TMEM108: variants seen among roughly 807,000 people sequenced by gnomAD.
The protein encoded by TMEM108 is transmembrane protein 108, also known as cancer/testis antigen 124.
Under a neutral mutation model 35.1 loss-of-function variants are expected in TMEM108, and 12 were observed. That is an observed-to-expected ratio of 0.34 (90% CI 0.22 to 0.55). The LOEUF (loss-of-function observed/expected upper bound fraction) is 0.55, where lower values mean the gene tolerates loss of function less well. TMEM108 is among the 20% of genes least tolerant of loss of function. The probability of loss-of-function intolerance (pLI) is 0.89; values close to 1 mark genes in which losing one functional copy is unlikely to be tolerated. For synonymous variants in TMEM108, 287 were observed against 308.6 expected (o/e 0.93, Z 0.73); for missense variants, 680 against 753.3 (o/e 0.90, Z 1.14).
At chr3:133,286,748 A>G (rs75839874) in intron 3 of TMEM108, among the ~76,000 whole-genome samples, 1,908 of 152,294 alleles carry the variant, frequency 0.013, 16 homozygotes, top group South Asian at 0.024. Context: ...AACAGTAGTG[A>G]AATATCTGGG....
chr3:133,102,669 AG>A (rs1203394112), intron 2 of TMEM108, among the ~76,000 whole-genome samples: 1 of 152,218 alleles, frequency 6.6e-6, no homozygotes, highest in Non-Finnish European at 1.5e-5. Flanking sequence ...TTCTTTAGCA[AG>A]TGGTATAAGC....
intron 2 of TMEM108, among the ~76,000 whole-genome samples, chr3:133,052,842 T>A (rs1207480471): frequency 1.3e-5 from 2 of 152,160 alleles, no homozygotes; most frequent in Non-Finnish European, 2.9e-5. Flanking sequence ...GCCCATATTA[T>A]TCTAACCAAG....
At chr3:133,040,076 A>C (rs552663781) in intron 1 of TMEM108, among the ~76,000 whole-genome samples, 5 of 152,234 alleles carry the variant, frequency 3.3e-5, no homozygotes, top group African/African-American at 1.2e-4. Flanking sequence ...GTTGCTGCAA[A>C]GCTCATTTAG....
intron 3 of TMEM108, among the ~76,000 whole-genome samples, 167 bp downstream of exon 3, chr3:133,229,518 A>G (rs1234389634): frequency 1.3e-5 from 2 of 152,220 alleles, no homozygotes; most frequent in Non-Finnish European, 2.9e-5. Context: ...AAGTCATTCT[A>G]AGATCTCTGT....
intron 2 of TMEM108, among the ~76,000 whole-genome samples, chr3:133,071,294 C>T (rs1433284594): frequency 1.3e-5 from 2 of 152,110 alleles, no homozygotes; most frequent in Non-Finnish European, 2.9e-5. Flanking sequence ...TTGGTTTCTT[C>T]TGAGCCCTCT....
chr3:133,102,594 C>T (rs1203655310), intron 2 of TMEM108, among the ~76,000 whole-genome samples: 1 of 152,188 alleles, frequency 6.6e-6, no homozygotes, highest in East Asian at 1.9e-4. Flanking sequence ...TGTCCTTTAC[C>T]TCTGACTCCC....
chr3:133,093,671 TA>T (rs1466966314), intron 2 of TMEM108, among the ~76,000 whole-genome samples: 1 of 152,216 alleles, frequency 6.6e-6, no homozygotes, highest in Non-Finnish European at 1.5e-5. Context: ...TATGGGGAAT[TA>T]ATATGACTTA....
At chr3:133,332,381 G>T (rs2071406868) in intron 3 of TMEM108, among the ~76,000 whole-genome samples, 1 of 152,212 alleles carries the variant, frequency 6.6e-6, no homozygotes, top group Admixed American at 6.5e-5. Context: ...CAGTGTATGA[G>T]GGAGGAAAAT....
chr3:133,156,694 G>A (rs974395469), intron 2 of TMEM108, among the ~76,000 whole-genome samples: 1 of 152,172 alleles, frequency 6.6e-6, no homozygotes, highest in Non-Finnish European at 1.5e-5. Flanking sequence ...GTACAAAAAT[G>A]TCCACCTCTG....
chr3:133,088,210 AGAAGTGCATGCTGG>A (rs1404602297), intron 2 of TMEM108, among the ~76,000 whole-genome samples: 1 of 152,040 alleles, frequency 6.6e-6, no homozygotes, highest in Non-Finnish European at 1.5e-5. Flanking sequence ...AGGGAGCCTG[AGAAGTGCATGCTGG>A]GACAGGCATT....
At chr3:133,300,180 G>C (rs1386910931) in intron 3 of TMEM108, among the ~76,000 whole-genome samples, 1 of 152,042 alleles carries the variant, frequency 6.6e-6, no homozygotes, top group African/African-American at 2.4e-5. Flanking sequence ...TGGCTGGTAT[G>C]GGGGGGTGGG....
intron 4 of TMEM108, among the ~76,000 whole-genome samples, chr3:133,383,145 T>C (rs917565856): frequency 6.6e-6 from 1 of 152,244 alleles, no homozygotes; most frequent in South Asian, 2.1e-4. Flanking sequence ...GTAACTACAG[T>C]AGAGACAGCT....
intron 2 of TMEM108, among the ~76,000 whole-genome samples, chr3:133,105,310 C>T (rs1240296856): frequency 1.3e-5 from 2 of 152,152 alleles, no homozygotes; most frequent in East Asian, 3.9e-4. Context: ...TTCCTTGGTC[C>T]ATGGCTCTCT....
intron 2 of TMEM108, among the ~76,000 whole-genome samples, chr3:133,227,578 TATA>T (rs2107651044): frequency 6.6e-6 from 1 of 151,642 alleles, no homozygotes; most frequent in African/African-American, 2.4e-5. Flanking sequence ...CCTAGAATGT[TATA>T]TAACATTGAT....
intron 3 of TMEM108, among the ~76,000 whole-genome samples, chr3:133,289,074 G>GAAATATTT (rs1016551305): frequency 6.6e-6 from 1 of 152,054 alleles, no homozygotes; most frequent in African/African-American, 2.4e-5. Context: ...TTTAAATATA[G>GAAATATTT]AAATATTTCC....
rs77905001 is a variant in TMEM108 at position 133,101,147 on chromosome 3, G to T, written c.-47+55127G>T. The stretch of plus-strand genomic sequence containing the variant: ...AAGAGCCTTGTATGTAAAAATGTAT[G>T]TGAAAATTTCTAGTTATTTTATTAT... On this transcript the variant is annotated intron_variant, in intron 2 of 5. Transcript: ENST00000321871. Among the ~76,000 whole-genome samples the T allele has an allele frequency of 1.0e-3, 158 of 152,282 alleles. 1 individual carries two copies. Among genetic ancestry groups the T allele is most frequent in the African/African-American group, 3.7e-3 (152 of 41,558 alleles).
chr3:133,100,728 T>C (rs1481883457), intron 2 of TMEM108, among the ~76,000 whole-genome samples: 2 of 152,232 alleles, frequency 1.3e-5, no homozygotes, highest in African/African-American at 4.8e-5. Flanking sequence ...ATCCATTCCA[T>C]GAAGTCTGAA....
chr3:133,239,943 T>G (rs1291088240), intron 3 of TMEM108, among the ~76,000 whole-genome samples: 1 of 152,184 alleles, frequency 6.6e-6, no homozygotes, highest in African/African-American at 2.4e-5. Flanking sequence ...ATGTTATTCT[T>G]CAGGATGTAC....
At chr3:133,160,143 C>G (rs1253908633) in intron 2 of TMEM108, among the ~76,000 whole-genome samples, 1 of 152,200 alleles carries the variant, frequency 6.6e-6, no homozygotes, top group Admixed American at 6.5e-5. Context: ...AGGCACCCTC[C>G]AGGTAGGCAG....
Sources: gnomAD v4.1 joint callset for allele counts (sites outside exome capture counted in the v4.1 genomes callset) on GRCh38, gnomAD v4.1.1 for gene constraint, MANE v1.5 for transcripts, NCBI Gene and HGNC (gene_info 2026-07-23, HGNC 2026-07-21) for gene names.